The following MAGI1 variants were observed in gnomAD, a reference collection of about 807,000 sequenced individuals.
MAGI1 encodes the protein membrane-associated guanylate kinase, WW and PDZ domain-containing protein 1.
A neutral mutation model predicts 139.9 loss-of-function variants in MAGI1; 58 were observed. That is an observed-to-expected ratio of 0.41 (90% CI 0.34 to 0.52). MAGI1 has a LOEUF of 0.52. Ranked by LOEUF, MAGI1 falls within the 20% of genes least tolerant of loss-of-function variation. The pLI is 0.12. For synonymous variants in MAGI1, 812 were observed against 737.9 expected (o/e 1.10, Z -1.63); for missense variants, 1,874 against 1,901.6 (o/e 0.99, Z 0.27).
intron 1 of MAGI1, among the ~76,000 whole-genome samples, chr3:65,894,127 G>A (rs954356560): frequency 1.3e-5 from 2 of 152,112 alleles, no homozygotes; most frequent in Non-Finnish European, 2.9e-5. Context: ...AAGAAGGAAC[G>A]AGACATCACT....
At chr3:65,989,780 C>T (rs2066068667) in intron 1 of MAGI1, among the ~76,000 whole-genome samples, 3 of 152,130 alleles carry the variant, frequency 2.0e-5, no homozygotes, top group African/African-American at 4.8e-5. Context: ...TCAAGTGACC[C>T]GCCCACCTCA....
intron 1 of MAGI1, among the ~76,000 whole-genome samples, chr3:65,992,113 T>C (rs1251999463): frequency 6.6e-6 from 1 of 152,144 alleles, no homozygotes; most frequent in East Asian, 1.9e-4. Flanking sequence ...CCAGAGAAAG[T>C]CGGAGTTTGG....
rs189087017 is a variant in MAGI1 at position 65,688,178 on chromosome 3, C to T, written c.314-66090G>A. ...TGGGTATCACTGACCCCCGTGAGAG[C>T]GGCAACTTCAGAGTACACACAGTCA... On this transcript the variant is annotated intron_variant, in intron 1 of 22. Coordinates refer to ENST00000402939, the MANE Select transcript of MAGI1 (RefSeq NM_001033057.2). 5.1e-4 allele frequency: 392 copies of T among 764,004 alleles called. 1 individual carries two copies. Among genetic ancestry groups the T allele is most frequent in the Non-Finnish European group, 6.3e-4 (272 of 431,452 alleles). 47.3% of individuals were successfully genotyped at this position (764,004 alleles called of 1,614,324 possible).
At chr3:65,852,580 C>T (rs1327014365) in intron 1 of MAGI1, among the ~76,000 whole-genome samples, 6 of 151,384 alleles carry the variant, frequency 4.0e-5, no homozygotes, top group East Asian at 2.0e-4. Context: ...CTCAGCTCAC[C>T]GCAACCTCTG....
chr3:65,426,480 C>T (rs1049002833), intron 12 of MAGI1, among the ~76,000 whole-genome samples: 7 of 152,318 alleles, frequency 4.6e-5, no homozygotes, highest in Middle Eastern at 3.4e-3. Context: ...TAGAAAGCCA[C>T]AACCTCACGA....
intron 1 of MAGI1, among the ~76,000 whole-genome samples, chr3:65,812,274 G>A (rs993844042): frequency 2.6e-5 from 4 of 151,982 alleles, no homozygotes; most frequent in African/African-American, 4.8e-5. Flanking sequence ...GGCACAAAGC[G>A]GGTATTCTAA....
At chr3:65,471,675 C>T (rs1440332463) in intron 4 of MAGI1, among the ~76,000 whole-genome samples, 3 of 152,128 alleles carry the variant, frequency 2.0e-5, no homozygotes, top group Admixed American at 6.5e-5. Flanking sequence ...TGGTCCAGGA[C>T]GGGACCTACT....
chr3:66,025,501 T>G (rs1159503055), intron 1 of MAGI1, among the ~76,000 whole-genome samples: 1 of 151,834 alleles, frequency 6.6e-6, no homozygotes, highest in African/African-American at 2.4e-5. Context: ...GCCACTACAC[T>G]CCAGCCTAGG....
In MAGI1 at chr3:65,772,609, G is replaced by A. The variant is rs114924020; in HGVS notation, c.314-150521C>T. Among the ~76,000 whole-genome samples, 1,177 of 152,334 alleles carry A rather than the reference G, an allele frequency of 7.7e-3. 17 individuals carry two copies. The highest frequency in any genetic ancestry group is 0.027 in the African/African-American group (1,112 of 41,578). On this transcript the variant is annotated intron_variant, in intron 1 of 22. Coordinates refer to ENST00000402939, the MANE Select transcript of MAGI1 (RefSeq NM_001033057.2). ...GGAGCTGCCACATGGAGAACACTTCGTGAGAGTGAAGCAAACACAGAGGAA... is the reference window on the plus strand; with the variant it reads ...GGAGCTGCCACATGGAGAACACTTCATGAGAGTGAAGCAAACACAGAGGAA...
At chr3:65,793,680 T>C (rs1401241840) in intron 1 of MAGI1, among the ~76,000 whole-genome samples, 3 of 152,202 alleles carry the variant, frequency 2.0e-5, no homozygotes, top group African/African-American at 7.2e-5. Context: ...CTGGCCTGGG[T>C]GGAGCAGCTG....
At chr3:65,665,390 T>C (rs997896049) in intron 1 of MAGI1, among the ~76,000 whole-genome samples, 1 of 152,090 alleles carries the variant, frequency 6.6e-6, no homozygotes, top group Non-Finnish European at 1.5e-5. Flanking sequence ...CAGGCTAAAT[T>C]TGTGGATTTG....
chr3:65,600,930 A>G (rs528403170), intron 2 of MAGI1, among the ~76,000 whole-genome samples: 1 of 152,198 alleles, frequency 6.6e-6, no homozygotes, highest in Non-Finnish European at 1.5e-5. Context: ...CTCAGTGTGA[A>G]CCACTGGGCA....
At chr3:65,846,755 C>T (rs964047354) in intron 1 of MAGI1, among the ~76,000 whole-genome samples, 1 of 152,112 alleles carries the variant, frequency 6.6e-6, no homozygotes, top group Non-Finnish European at 1.5e-5. Context: ...GGAAATGGTA[C>T]AGCTAGAACT....
intron 1 of MAGI1, among the ~76,000 whole-genome samples, chr3:65,710,074 T>C (rs568109154): frequency 6.6e-6 from 1 of 152,238 alleles, no homozygotes; most frequent in South Asian, 2.1e-4. Context: ...GACTACCTTG[T>C]TGTTAGAGAA....
chr3:66,030,458 T>C (rs144756701), intron 1 of MAGI1, among the ~76,000 whole-genome samples: 1 of 152,328 alleles, frequency 6.6e-6, no homozygotes, highest in African/African-American at 2.4e-5. Flanking sequence ...ATTCCTGCCA[T>C]CTCAGAGCTT....
At chr3:65,393,873 T>C (rs547731516) in intron 13 of MAGI1, among the ~76,000 whole-genome samples, 68 of 152,326 alleles carry the variant, frequency 4.5e-4, no homozygotes, top group South Asian at 1.7e-3. Context: ...TTCTGTTCCA[T>C]TGTCTTCTTG....
At chr3:65,822,664 T>C (rs1174062038) in intron 1 of MAGI1, among the ~76,000 whole-genome samples, 1 of 152,238 alleles carries the variant, frequency 6.6e-6, no homozygotes, top group African/African-American at 2.4e-5. Flanking sequence ...GCTGGGCTTC[T>C]GGGGAGGCCT....
intron 1 of MAGI1, among the ~76,000 whole-genome samples, chr3:65,640,848 A>T (rs1213573588): frequency 6.6e-6 from 1 of 152,200 alleles, no homozygotes; most frequent in African/African-American, 2.4e-5. Context: ...TCCCTGACAC[A>T]TTATAGTTCC....
At chr3:65,382,207 G>A (rs1222275570) in intron 15 of MAGI1, 138 bp from the exon 16 acceptor site, 3 of 651,096 alleles carry the variant, frequency 4.6e-6, no homozygotes, top group Non-Finnish European at 7.8e-6. Flanking sequence ...CACCCACTGT[G>A]TACAAGACAT....
Sources: gnomAD v4.1 joint callset for allele counts (sites outside exome capture counted in the v4.1 genomes callset) on GRCh38, gnomAD v4.1.1 for gene constraint, MANE v1.5 for transcripts, NCBI Gene and HGNC (gene_info 2026-07-23, HGNC 2026-07-21) for gene names.